The following SFXN5 variants were observed in gnomAD, a reference collection of about 807,000 sequenced individuals.
The protein encoded by SFXN5 is sideroflexin-5.
Under a neutral mutation model 50.2 loss-of-function variants are expected in SFXN5, and 43 were observed. That is an observed-to-expected ratio of 0.86 (90% CI 0.67 to 1.11). The LOEUF (loss-of-function observed/expected upper bound fraction) is 1.11, where lower values mean the gene tolerates loss of function less well. SFXN5 is among the 50% of genes least tolerant of loss of function. The pLI is 0.00. For synonymous variants in SFXN5, 203 were observed against 185.8 expected (o/e 1.09, Z -0.75); for missense variants, 463 against 454.1 (o/e 1.02, Z -0.18).
intron 2 of SFXN5, among the ~76,000 whole-genome samples, chr2:73,057,127 AAATG>A (rs1403050780): frequency 5.9e-5 from 9 of 152,174 alleles, no homozygotes. Flanking sequence ...GCAATGACAC[AAATG>A]AATCCCAAAA....
intron 6 of SFXN5, among the ~76,000 whole-genome samples, chr2:73,007,548 T>A (rs549273535): frequency 2.6e-4 from 40 of 152,158 alleles, no homozygotes; most frequent in Non-Finnish European, 5.0e-4. Context: ...ATTCACCTCA[T>A]CAGCAAAAAG....
chr2:73,002,235 T>C (rs1034726169), intron 6 of SFXN5, among the ~76,000 whole-genome samples: 3 of 152,276 alleles, frequency 2.0e-5, no homozygotes, highest in Non-Finnish European at 2.9e-5. Context: ...AAGAAAGGAA[T>C]GAATGAAGAA....
chr2:73,061,144 C>G (rs191729381), intron 1 of SFXN5, among the ~76,000 whole-genome samples: 2 of 151,912 alleles, frequency 1.3e-5, no homozygotes, highest in Non-Finnish European at 2.9e-5. Flanking sequence ...GGTGAAACCC[C>G]GTCCATACTA....
At chr2:73,069,629 C>T (rs1370785959) in intron 1 of SFXN5, among the ~76,000 whole-genome samples, 2 of 152,156 alleles carry the variant, frequency 1.3e-5, no homozygotes, top group Non-Finnish European at 2.9e-5. Flanking sequence ...CCTTCAAGAG[C>T]AGTGCCAAAA....
chr2:73,059,716 CAG>C lies in SFXN5; in HGVS notation c.103-1122_103-1121del, dbSNP rs947484786. 119 of 966,178 alleles carry C rather than the reference CAG, an allele frequency of 1.2e-4. 7 individuals carry two copies. In the Middle Eastern group the frequency reaches 8.0e-3, roughly 65 times the overall value. The allele number at this position is 966,178 out of a possible 1,614,324, so 59.9% of individuals were successfully genotyped here. A position where few individuals can be genotyped will look rare whatever the true frequency, so the allele number is the denominator to read the frequency against. On this transcript the variant is annotated intron_variant, in intron 1 of 13. Coordinates refer to ENST00000272433, the MANE Select transcript of SFXN5 (RefSeq NM_144579.3). Reference sequence around the variant, plus strand: ...AGATCAAGCTTTGGTCCATTCCTAACAGAAACAGCTGCCTCTCTAACCTCTTA... The same window carrying C: ...AGATCAAGCTTTGGTCCATTCCTAACAAACAGCTGCCTCTCTAACCTCTTA...
chr2:73,062,645 G>C (rs958092911), intron 1 of SFXN5, among the ~76,000 whole-genome samples: 2 of 152,126 alleles, frequency 1.3e-5, no homozygotes, highest in African/African-American at 4.8e-5. Context: ...CTAGGCTCAG[G>C]GGACAGACAC....
chr2:73,058,254 G>A (rs1028188498), intron 2 of SFXN5: 7 of 305,508 alleles, frequency 2.3e-5, no homozygotes, highest in African/African-American at 1.5e-4. Context: ...AAGTTTTAAA[G>A]AATAACAATA....
rs547075999 is a variant in SFXN5, at chr2:73,025,303, G to A, written c.250-2089C>T. On this transcript the variant is annotated intron_variant, in intron 3 of 13. Transcript: ENST00000272433. ...ACACCCCACACCCTCCACCCCAGTC[G>A]TAACCTTCTGCATCCTCCCACCTCT... Among the ~76,000 whole-genome samples the A allele has an allele frequency of 1.8e-4, 27 of 152,092 alleles. No homozygotes were observed. The South Asian group carries it at 3.1e-3, about 18-fold the overall frequency.
intron 1 of SFXN5, among the ~76,000 whole-genome samples, chr2:73,060,630 A>C (rs966433458): frequency 6.6e-6 from 1 of 152,176 alleles, no homozygotes; most frequent in African/African-American, 2.4e-5. Flanking sequence ...TAGGTTAATA[A>C]AAGTGTTGTA....
At chr2:72,982,926 G>A (rs148980597) in intron 10 of SFXN5, among the ~76,000 whole-genome samples, 3 of 152,346 alleles carry the variant, frequency 2.0e-5, no homozygotes, top group Non-Finnish European at 2.9e-5. Flanking sequence ...ATGGCATCCA[G>A]AGGTGCCTGA....
chr2:72,946,786 C>T (rs1671988280), intron 13 of SFXN5, among the ~76,000 whole-genome samples: 1 of 152,190 alleles, frequency 6.6e-6, no homozygotes, highest in South Asian at 2.1e-4. Flanking sequence ...CCAACCACAG[C>T]CAGTGCCGGC....
At chr2:72,970,547 AC>A (rs1241416037) in intron 11 of SFXN5, among the ~76,000 whole-genome samples, 1 of 152,052 alleles carries the variant, frequency 6.6e-6, no homozygotes, top group Admixed American at 6.5e-5. Context: ...ATGCTCCACT[AC>A]TTCACGGCTC....
intron 2 of SFXN5, among the ~76,000 whole-genome samples, chr2:73,054,978 T>C (rs1387041369): frequency 6.6e-6 from 1 of 152,364 alleles, no homozygotes; most frequent in South Asian, 2.1e-4. Flanking sequence ...CCTTCTGAGA[T>C]GCAGTAGGAA....
chr2:72,968,339 G>A, intron 12 of SFXN5, 109 bp downstream of exon 12: 2 of 926,024 alleles, frequency 2.2e-6, no homozygotes, highest in Middle Eastern at 3.4e-4. Context: ...ACACAAACTG[G>A]GGTGGGCTTC....
chr2:72,955,886 G>C (rs893289045), intron 13 of SFXN5, among the ~76,000 whole-genome samples: 14 of 152,230 alleles, frequency 9.2e-5, no homozygotes, highest in African/African-American at 3.4e-4. Context: ...CCACAAGGGA[G>C]GCACCCAGCA....
At chr2:72,964,355 C>G (rs2105404186) in intron 12 of SFXN5, among the ~76,000 whole-genome samples, 1 of 152,378 alleles carries the variant, frequency 6.6e-6, no homozygotes, top group African/African-American at 2.4e-5. Flanking sequence ...CACTAGTGCC[C>G]CTGCACCCAA....
At chr2:73,053,152 C>A (rs1036915912) in intron 2 of SFXN5, among the ~76,000 whole-genome samples, 1 of 145,610 alleles carries the variant, frequency 6.9e-6, no homozygotes, top group Admixed American at 7.1e-5. Context: ...CCAGCCTGGG[C>A]AACAGAGTAA....
At chr2:73,019,048 T>C (rs147341697) in intron 6 of SFXN5, among the ~76,000 whole-genome samples, 108 of 152,304 alleles carry the variant, frequency 7.1e-4, no homozygotes, top group African/African-American at 2.4e-3. Context: ...TCACCAACAG[T>C]AGTATGAATA....
intron 5 of SFXN5, among the ~76,000 whole-genome samples, chr2:73,022,229 G>A (rs1036871398): frequency 6.6e-6 from 1 of 152,210 alleles, no homozygotes; most frequent in Non-Finnish European, 1.5e-5. Context: ...CTGTCCTAGT[G>A]TGCGCTGAGT....
Sources: allele counts gnomAD v4.1 joint callset (sites outside exome capture counted in the v4.1 genomes callset), GRCh38; gene constraint gnomAD v4.1.1; transcripts MANE v1.5; gene names NCBI Gene and HGNC (gene_info 2026-07-23, HGNC 2026-07-21).